MGAT4C: variants seen among roughly 807,000 people sequenced by gnomAD.
MGAT4C encodes the protein alpha-1,3-mannosyl-glycoprotein 4-beta-N-acetylglucosaminyltransferase C.
A neutral mutation model predicts 40.1 loss-of-function variants in MGAT4C; 19 were observed. The observed-to-expected ratio is 0.47, with a 90% CI of 0.33 to 0.70. The LOEUF is 0.70. MGAT4C is among the 30% of genes least tolerant of loss of function. MGAT4C has a pLI of 0.02. For synonymous variants in MGAT4C, 181 were observed against 187.1 expected (o/e 0.97, Z 0.27); for missense variants, 491 against 563.2 (o/e 0.87, Z 1.30).
At chr12:86,242,909 G>T (rs555928837) in intron 1 of MGAT4C, among the ~76,000 whole-genome samples, 1 of 152,186 alleles carries the variant, frequency 6.6e-6, no homozygotes, top group South Asian at 2.1e-4. Flanking sequence ...TACTAACAGA[G>T]CCCAGGAACA....
At chr12:86,374,197 T>C (rs559352888) in intron 3 of MGAT4C, among the ~76,000 whole-genome samples, 33 of 152,166 alleles carry the variant, frequency 2.2e-4, no homozygotes, top group Non-Finnish European at 4.1e-4. Context: ...CAGTGTGAGC[T>C]GAGAATGAAC....
chr12:86,680,801 T>C (rs1161118890), intron 2 of MGAT4C, among the ~76,000 whole-genome samples: 4 of 152,024 alleles, frequency 2.6e-5, no homozygotes, highest in African/African-American at 9.7e-5. Flanking sequence ...AATCATTATA[T>C]ATAATTTATA....
chr12:86,345,906 C>A lies in MGAT4C; in HGVS notation c.-119-11779G>T, dbSNP rs112859949. Reference sequence around the variant, plus strand: ...GTGTTCCTATTTCTCCACATCCTCTCCAGCACCTGTTGTTTCCTGACTTTT... The same window carrying A: ...GTGTTCCTATTTCTCCACATCCTCTACAGCACCTGTTGTTTCCTGACTTTT... On this transcript the variant is annotated intron_variant, in intron 3 of 7. Transcript: ENST00000548651. Among the ~76,000 whole-genome samples, 487 of 149,040 alleles carry A rather than the reference C, an allele frequency of 3.3e-3. 1 individual carries two copies. The highest frequency in any genetic ancestry group is 0.012 in the African/African-American group (451 of 39,068).
chr12:86,440,736 C>T (rs1016494646), intron 2 of MGAT4C, among the ~76,000 whole-genome samples: 8 of 151,966 alleles, frequency 5.3e-5, no homozygotes, highest in Admixed American at 4.6e-4. Context: ...CTAAAGAGTC[C>T]TTCAGAAGAC....
chr12:86,247,884 G>A (rs1296027605), intron 1 of MGAT4C, among the ~76,000 whole-genome samples: 1 of 152,124 alleles, frequency 6.6e-6, no homozygotes, highest in Non-Finnish European at 1.5e-5. Context: ...AAGATTATGG[G>A]GAAGAGGGGA....
chr12:86,489,369 C>A (rs773379634), intron 2 of MGAT4C, among the ~76,000 whole-genome samples: 26 of 152,130 alleles, frequency 1.7e-4, no homozygotes, highest in African/African-American at 3.4e-4. Context: ...TCTGGACATG[C>A]GACCTCTGAG....
In MGAT4C at chr12:86,675,755, A is replaced by G. The variant is rs187837171; in HGVS notation, c.-229+51454T>C. ...GCATGTAATATTTTTATACATTCAT[A>G]TAATATGTCATAATGAGATGAGGAT... is the stretch of plus-strand genomic sequence containing the variant. On this transcript the variant is annotated intron_variant, in intron 2 of 7. Coordinates refer to the MGAT4C transcript ENST00000548651. 1.4e-3 allele frequency among the ~76,000 whole-genome samples: 215 copies of G among 152,338 alleles called. 1 individual carries two copies. The highest frequency in any genetic ancestry group is 4.7e-3 in the African/African-American group (197 of 41,598).
At chr12:86,543,879 A>G (rs974031131) in intron 2 of MGAT4C, among the ~76,000 whole-genome samples, 21 of 152,016 alleles carry the variant, frequency 1.4e-4, no homozygotes, top group African/African-American at 4.8e-4. Flanking sequence ...CTGGGGCCTG[A>G]CAGTCTGGGA....
At chr12:86,250,929 T>C (rs896012111) in intron 1 of MGAT4C, among the ~76,000 whole-genome samples, 1 of 151,998 alleles carries the variant, frequency 6.6e-6, no homozygotes, top group African/African-American at 2.4e-5. Flanking sequence ...TGAATAGCAA[T>C]TTTTAATGAA....
At chr12:86,152,358 G>C (rs1446816836) in intron 1 of MGAT4C, among the ~76,000 whole-genome samples, 2 of 152,198 alleles carry the variant, frequency 1.3e-5, no homozygotes, top group African/African-American at 4.8e-5. Flanking sequence ...GCCTCGTTGT[G>C]TGTCCACTAG....
intron 1 of MGAT4C, among the ~76,000 whole-genome samples, chr12:86,804,061 A>G (rs1330008958): frequency 1.5e-4 from 22 of 146,590 alleles, no homozygotes; most frequent in East Asian, 6.1e-4. Context: ...TGTGGCACAT[A>G]TACACCATGG....
chr12:86,052,994 A>G (rs1252475868), intron 1 of MGAT4C, among the ~76,000 whole-genome samples: 1 of 151,932 alleles, frequency 6.6e-6, no homozygotes, highest in African/African-American at 2.4e-5. Flanking sequence ...TGTTCACTTT[A>G]TTTATTTTAC....
intron 1 of MGAT4C, among the ~76,000 whole-genome samples, chr12:86,818,456 CAG>C (rs1360279383): frequency 1.3e-5 from 2 of 151,088 alleles, no homozygotes; most frequent in Non-Finnish European, 3.0e-5. Flanking sequence ...AATAGAAAAT[CAG>C]AGTGAATTGT....
At chr12:86,227,371 C>T (rs1010165329) in intron 1 of MGAT4C, among the ~76,000 whole-genome samples, 2 of 151,828 alleles carry the variant, frequency 1.3e-5, no homozygotes, top group African/African-American at 2.4e-5. Context: ...GTTAAGCCAC[C>T]ATCATCTCTC....
chr12:86,496,802 G>T (rs1476844093), intron 2 of MGAT4C, among the ~76,000 whole-genome samples: 3 of 151,896 alleles, frequency 2.0e-5, no homozygotes, highest in African/African-American at 4.8e-5. Flanking sequence ...ATCACTAAAT[G>T]CTTTTAAATA....
At chr12:86,422,441 T>C (rs1956845700) in intron 3 of MGAT4C, among the ~76,000 whole-genome samples, 1 of 152,186 alleles carries the variant, frequency 6.6e-6, no homozygotes, top group Admixed American at 6.5e-5. Context: ...CAGTCATGCA[T>C]TTGGAAAAAT....
rs139632500 is a variant in MGAT4C, at chr12:86,698,185, G to A, written c.-229+29024C>T. ...TCAATACTTTAAATGAGGATAAGCT[G>A]CTACAAAGAACAAAGAAAATGAAAA... On this transcript the variant is annotated intron_variant, in intron 2 of 7. Coordinates refer to the MGAT4C transcript ENST00000548651. 2.0e-4 allele frequency among the ~76,000 whole-genome samples: 30 copies of A among 151,842 alleles called. No homozygotes were observed. In the East Asian group the frequency reaches 4.5e-3, roughly 23 times the overall value.
chr12:86,497,960 A>G (rs1958272370), intron 2 of MGAT4C, among the ~76,000 whole-genome samples: 1 of 145,134 alleles, frequency 6.9e-6, no homozygotes, highest in East Asian at 2.0e-4. Context: ...TAAAATATAT[A>G]TTATAAATAT....
At chr12:86,152,215 CA>C (rs1475277471) in intron 1 of MGAT4C, among the ~76,000 whole-genome samples, 7 of 152,186 alleles carry the variant, frequency 4.6e-5, no homozygotes, top group African/African-American at 1.4e-4. Flanking sequence ...GCTGCTATAA[CA>C]AAACATCTGA....
Sources: allele counts gnomAD v4.1 joint callset (sites outside exome capture counted in the v4.1 genomes callset), GRCh38; gene constraint gnomAD v4.1.1; transcripts MANE v1.5; gene names NCBI Gene and HGNC (gene_info 2026-07-23, HGNC 2026-07-21).